Variants in ZKSCAN5 observed in about 807,000 individuals in gnomAD.
ZKSCAN5 encodes the protein zinc finger with KRAB and SCAN domains 5, also known as zinc finger protein with KRAB and SCAN domains 5.
A neutral mutation model predicts 60.0 loss-of-function variants in ZKSCAN5; 28 were observed. That is an observed-to-expected ratio of 0.47 (90% CI 0.35 to 0.64). ZKSCAN5 has a LOEUF of 0.64. Among genes scored for constraint, ZKSCAN5 ranks in the 30% least tolerant of loss-of-function variants. The probability of loss-of-function intolerance (pLI) is 0.01; values close to 1 mark genes in which losing one functional copy is unlikely to be tolerated. For missense variants in ZKSCAN5, 881 were observed against 1,034.6 expected (o/e 0.85, Z 2.04); for synonymous variants, 361 against 371.2 (o/e 0.97, Z 0.31).
intron 5 of ZKSCAN5, among the ~76,000 whole-genome samples, chr7:99,523,022 G>A (rs910575059): frequency 2.7e-5 from 4 of 150,700 alleles, no homozygotes; most frequent in Admixed American, 6.6e-5. Context: ...AAAATTATCC[G>A]GGCATGGTGG....
intron 6 of ZKSCAN5, among the ~76,000 whole-genome samples, chr7:99,530,340 ACTT>A (rs1801989046): frequency 6.6e-6 from 1 of 151,866 alleles, no homozygotes; most frequent in Admixed American, 6.6e-5. Flanking sequence ...CGGCCTTTTG[ACTT>A]CTTAATAATG....
intron 5 of ZKSCAN5, among the ~76,000 whole-genome samples, chr7:99,522,495 A>G (rs1306629746): frequency 2.0e-5 from 3 of 149,798 alleles, no homozygotes; most frequent in Non-Finnish European, 4.4e-5. Flanking sequence ...TTTTTTTGAG[A>G]CAGTGTCTCG....
chr7:99,517,616 G>A (rs1801323585), intron 3 of ZKSCAN5, among the ~76,000 whole-genome samples: 1 of 152,110 alleles, frequency 6.6e-6, no homozygotes, highest in African/African-American at 2.4e-5. Context: ...GGGAGGCGGA[G>A]GTTGCAGTTG....
intron 3 of ZKSCAN5, among the ~76,000 whole-genome samples, chr7:99,518,670 CT>C (rs993896580): frequency 0.063 from 5,768 of 92,200 alleles, 94 homozygotes; most frequent in African/African-American, 0.16. Flanking sequence ...AGAATGCATC[CT>C]TTTTTTTTTT....
At position 99,532,107 on chromosome 7, in the gene ZKSCAN5, G is replaced by T. The variant is rs1562919283; in HGVS notation, c.2378G>T (p.Arg793Ile). 2.5e-6 allele frequency: 4 copies of T among 1,614,190 alleles called. No individual in the cohort carries two copies. The highest frequency in any genetic ancestry group is 1.6e-4 in the Middle Eastern group (1 of 6,062). Residue 793 changes from arginine (R) to isoleucine (I), a missense_variant, in exon 7 of 7, where the codon AGA (arginine) becomes ATA (isoleucine). Physicochemically the swap from Arg to Ile is moderately conservative, Grantham distance 97. Transcript: ENST00000326775. ...AAGTCACATCTTAATCAACATCAGA[G>T]AATCCATACTGGTGAGAAACCTTTT... is the stretch of plus-strand genomic sequence containing the variant. ...TLKSHLNQHQ[R>I]IHTGEKPFQC... is the part of the protein sequence containing the mutation.
chr7:99,531,100 T>G lies in ZKSCAN5; in HGVS notation c.1379-8T>G. ...ATGACATTTTCACTTGCTCTTTATT[T>G]TTTTTAGGCAGTGACAAAAGAAGTA... On this transcript the variant is annotated splice_region_variant and splice_polypyrimidine_tract_variant and intron_variant, in intron 6 of 6. Transcript: ENST00000326775. 1.9e-6 allele frequency: 3 copies of G among 1,567,312 alleles called. No homozygotes were observed. Among genetic ancestry groups the G allele is most frequent in the Non-Finnish European group, 2.6e-6 (3 of 1,163,742 alleles).
At chr7:99,518,717 C>G (rs965601643) in intron 3 of ZKSCAN5, among the ~76,000 whole-genome samples, 1 of 145,190 alleles carries the variant, frequency 6.9e-6, no homozygotes, top group African/African-American at 2.6e-5. Context: ...GCTCTGTCAC[C>G]CAGGCTGGAG....
In ZKSCAN5 at chr7:99,533,957, C is replaced by G. The variant is rs1289127379; in HGVS notation, c.*1708C>G. ...TCACTCGCCAGGAGGGAGTGAAGACCCGCATCACTGTTAATAGTCCTGGCA... is the reference window on the plus strand; with the variant it reads ...TCACTCGCCAGGAGGGAGTGAAGACGCGCATCACTGTTAATAGTCCTGGCA... On this transcript the variant is annotated 3_prime_UTR_variant, in exon 7 of 7. Coordinates refer to ENST00000326775, the MANE Select transcript of ZKSCAN5 (RefSeq NM_145102.4). 1 of 227,116 alleles carries G rather than the reference C, an allele frequency of 4.4e-6. No individual in the cohort carries two copies. Among genetic ancestry groups the G allele is most frequent in the East Asian group, 9.1e-5 (1 of 10,972 alleles). The allele number at this position is 227,116 out of a possible 1,614,324, so 14.1% of individuals were successfully genotyped here.
chr7:99,508,727 C>T lies in ZKSCAN5; in HGVS notation c.414+2269C>T, dbSNP rs1319435098. Among the ~76,000 whole-genome samples the T allele has an allele frequency of 5.5e-5, 8 of 144,560 alleles. No homozygotes were observed. In the East Asian group the frequency reaches 6.0e-4, roughly 11 times the overall value. The allele number at this position is 144,560 out of a possible 152,430, so 94.8% of individuals were successfully genotyped here. ...TTGCGCCACTGCACTCCAGCCTGGG[C>T]GATGGAGCGAGACTCCCATCTCAAA... is the stretch of plus-strand genomic sequence containing the variant. On this transcript the variant is annotated intron_variant, in intron 2 of 6. Transcript: ENST00000326775.
intron 5 of ZKSCAN5, among the ~76,000 whole-genome samples, chr7:99,523,502 A>T (rs1801637138): frequency 6.6e-6 from 1 of 152,120 alleles, no homozygotes; most frequent in African/African-American, 2.4e-5. Flanking sequence ...ATGCCTGTAG[A>T]GGCTGAGGTG....
At position 99,532,345 on chromosome 7, in the gene ZKSCAN5, C is replaced by G. The variant is rs961401219; in HGVS notation, c.*96C>G. On this transcript the variant is annotated 3_prime_UTR_variant, in exon 7 of 7. Coordinates refer to ENST00000326775, the MANE Select transcript of ZKSCAN5 (RefSeq NM_145102.4). ...TCAAGCATTTTTCCAGCGTTACCAT[C>G]AAACTCACAAATAGGTTGAAATCCT... 6 of 1,199,302 alleles carry G rather than the reference C, an allele frequency of 5.0e-6. No individual in the cohort carries two copies. In the African/African-American group the frequency reaches 9.1e-5, roughly 18 times the overall value. The allele number at this position is 1,199,302 out of a possible 1,614,324, so 74.3% of individuals were successfully genotyped here. A position where few individuals can be genotyped will look rare whatever the true frequency, so the allele number is the denominator to read the frequency against.
At chr7:99,523,729 A>G (rs1801649558) in intron 5 of ZKSCAN5, among the ~76,000 whole-genome samples, 1 of 152,084 alleles carries the variant, frequency 6.6e-6, no homozygotes, top group Non-Finnish European at 1.5e-5. Flanking sequence ...AAAAAACATA[A>G]AAAGTCTGGT....
intron 4 of ZKSCAN5, 72 bp from the exon 5 acceptor site, chr7:99,520,097 G>A: frequency 6.4e-7 from 1 of 1,573,250 alleles, no homozygotes; most frequent in African/African-American, 1.4e-5. Flanking sequence ...TTTTCTTAAT[G>A]AGCCCAGTTC....
chr7:99,518,237 G>A (rs946151772), intron 3 of ZKSCAN5, among the ~76,000 whole-genome samples: 1 of 151,898 alleles, frequency 6.6e-6, no homozygotes, highest in Non-Finnish European at 1.5e-5. Context: ...CCTGGACAAC[G>A]TGGTGACACC....
intron 2 of ZKSCAN5, among the ~76,000 whole-genome samples, chr7:99,507,553 G>GTA (rs1158989790): frequency 1.3e-4 from 19 of 147,566 alleles, no homozygotes; most frequent in African/African-American, 1.5e-4. Flanking sequence ...GTATATATAT[G>GTA]TATATATATG....
At chr7:99,522,610 G>A (rs146054094) in intron 5 of ZKSCAN5, among the ~76,000 whole-genome samples, 18 of 151,190 alleles carry the variant, frequency 1.2e-4, no homozygotes, top group Non-Finnish European at 1.8e-4. Context: ...AGTAGCTCCC[G>A]AGTAATTTTG....
intron 6 of ZKSCAN5, among the ~76,000 whole-genome samples, chr7:99,528,532 T>C (rs1277312780): frequency 1.3e-5 from 2 of 151,982 alleles, no homozygotes; most frequent in African/African-American, 4.8e-5. Flanking sequence ...GCTGAACTAA[T>C]CCTCCCACCT....
intron 1 of ZKSCAN5, 139 bp from the exon 2 acceptor site, chr7:99,505,863 TTTG>T: frequency 4.8e-6 from 3 of 626,428 alleles, no homozygotes. Context: ...AGTAAATTAC[TTTG>T]TTGAGTGGTC....
chr7:99,527,485 T>C (rs1314282063), intron 6 of ZKSCAN5, among the ~76,000 whole-genome samples: 1 of 152,116 alleles, frequency 6.6e-6, no homozygotes, highest in East Asian at 1.9e-4. Context: ...TTTTTATAAG[T>C]CTGTTTCACG....
Sources: allele counts gnomAD v4.1 joint callset (sites outside exome capture counted in the v4.1 genomes callset), GRCh38; gene constraint gnomAD v4.1.1; transcripts MANE v1.5; gene names NCBI Gene and HGNC (gene_info 2026-07-23, HGNC 2026-07-21).